Variants in KLF7 observed in about 807,000 individuals in gnomAD.
The protein encoded by KLF7 is Krueppel-like factor 7.
A neutral mutation model predicts 27.3 loss-of-function variants in KLF7; 2 were observed. The ratio of observed to expected loss-of-function variants is 0.07; its 90% CI spans 0.03 to 0.23. The LOEUF (loss-of-function observed/expected upper bound fraction) is 0.23, where lower values mean the gene tolerates loss of function less well. Among genes scored for constraint, KLF7 ranks in the 10% least tolerant of loss-of-function variants. The pLI, the probability that KLF7 is intolerant of heterozygous loss-of-function variation, is 1.00. For missense variants in KLF7, 221 were observed against 394.1 expected, an observed-to-expected ratio of 0.56 and a Z score of 3.72; for synonymous variants, 165 against 162.4, an observed-to-expected ratio of 1.02 and a Z score of -0.12.
chr2:207,109,608 T>G (rs1426569230), intron 2 of KLF7, among the ~76,000 whole-genome samples: 2 of 152,206 alleles, frequency 1.3e-5, no homozygotes, highest in African/African-American at 4.8e-5. Flanking sequence ...CAAGTGATAT[T>G]ATTATTGCTT....
chr2:207,131,687 T>C (rs761072302), intron 1 of KLF7, among the ~76,000 whole-genome samples: 1 of 152,234 alleles, frequency 6.6e-6, no homozygotes, highest in Non-Finnish European at 1.5e-5. Context: ...TCTCTTTCTC[T>C]TCAAAGAATA....
chr2:207,157,869 G>A (rs1031569159), intron 1 of KLF7, among the ~76,000 whole-genome samples: 6 of 152,154 alleles, frequency 3.9e-5, no homozygotes, highest in Admixed American at 2.6e-4. Flanking sequence ...ATCATGAGAC[G>A]AATAATCACA....
intron 1 of KLF7, among the ~76,000 whole-genome samples, chr2:207,137,662 T>C (rs1574539302): frequency 6.6e-6 from 1 of 152,304 alleles, no homozygotes; most frequent in East Asian, 1.9e-4. Flanking sequence ...ACAGGGTTCC[T>C]ATGAGTGTGA....
upstream of KLF7, chr2:207,167,127 T>C: frequency 7.0e-7 from 1 of 1,435,216 alleles, no homozygotes; most frequent in Non-Finnish European, 9.1e-7. Flanking sequence ...GGCCTTTACG[T>C]GATGAGGCTC....
intron 1 of KLF7, chr2:207,134,109 C>G: frequency 6.5e-7 from 1 of 1,534,566 alleles, no homozygotes; most frequent in Non-Finnish European, 8.7e-7. Flanking sequence ...ATCATCTCCC[C>G]TTCCTCTCCC....
chr2:207,139,786 G>A (rs2077889814), intron 1 of KLF7, among the ~76,000 whole-genome samples: 1 of 152,208 alleles, frequency 6.6e-6, no homozygotes, highest in African/African-American at 2.4e-5. Flanking sequence ...TGGTTGAATT[G>A]TTAAAAGCAA....
chr2:207,086,051 T>C (rs1006149509), intron 3 of KLF7, among the ~76,000 whole-genome samples: 3 of 144,400 alleles, frequency 2.1e-5, no homozygotes, highest in Admixed American at 6.9e-5. Context: ...ATAGGCAAAA[T>C]AAAAGCATAC....
chr2:207,126,809 C>CAA (rs35099385), intron 1 of KLF7, among the ~76,000 whole-genome samples: 3,801 of 128,896 alleles, frequency 0.029, 80 homozygotes, highest in Admixed American at 0.047. Flanking sequence ...CTGTTTCTAC[C>CAA]AAAAAAAAAA....
chr2:207,101,745 G>C lies in KLF7; in HGVS notation c.734-13164C>G, dbSNP rs138074176. ...CTAGTACTTCCAAAGCATGTCCTGT[G>C]GGAAGTGGCTCTAGATGGACTCTGA... On this transcript the variant is annotated intron_variant, in intron 2 of 3. Transcript: ENST00000309446. 4.6e-5 allele frequency among the ~76,000 whole-genome samples: 7 copies of C among 152,260 alleles called. No individual in the cohort carries two copies. In the East Asian group the frequency reaches 1.4e-3, roughly 29 times the overall value.
rs1349136044 is a variant in KLF7, at chr2:207,076,532, AGAG to A, written c.*4678_*4680del. The A allele has an allele frequency of 6.6e-6, 1 of 152,214 alleles. No homozygotes were observed. The highest frequency in any genetic ancestry group is 2.4e-5 in the African/African-American group (1 of 41,444). 9.4% of individuals were successfully genotyped at this position (152,214 alleles called of 1,614,324 possible). On this transcript the variant is annotated 3_prime_UTR_variant, in exon 4 of 4. Coordinates refer to ENST00000309446, the MANE Select transcript of KLF7 (RefSeq NM_003709.4). ...TTTCTGGGATCTATTAGGAACCAAC[AGAG>A]GAGATTTAAGAGTGTTAAAAGCAAG...
At chr2:207,089,509 C>T (rs2076462900) in intron 2 of KLF7, among the ~76,000 whole-genome samples, 1 of 152,210 alleles carries the variant, frequency 6.6e-6, no homozygotes, top group East Asian at 1.9e-4. Context: ...ACCCTTCCAA[C>T]TGTATGGTGG....
intron 2 of KLF7, among the ~76,000 whole-genome samples, chr2:207,099,447 T>C (rs2076705383): frequency 6.6e-6 from 1 of 151,534 alleles, no homozygotes; most frequent in African/African-American, 2.4e-5. Flanking sequence ...TAATTTACTT[T>C]CCTGGATACA....
At chr2:207,129,762 A>G (rs2077574869) in intron 1 of KLF7, among the ~76,000 whole-genome samples, 1 of 152,056 alleles carries the variant, frequency 6.6e-6, no homozygotes, top group South Asian at 2.1e-4. Flanking sequence ...TTATTCAATC[A>G]TTTGTTTGTA....
chr2:207,086,839 C>T (rs2076400178), intron 3 of KLF7, among the ~76,000 whole-genome samples: 1 of 152,350 alleles, frequency 6.6e-6, no homozygotes, highest in South Asian at 2.1e-4. Context: ...CCCTTCAGAG[C>T]TGGGCAACTT....
At chr2:207,102,293 A>G (rs2076786830) in intron 2 of KLF7, among the ~76,000 whole-genome samples, 1 of 152,126 alleles carries the variant, frequency 6.6e-6, no homozygotes, top group Admixed American at 6.5e-5. Flanking sequence ...TCTGTACTGA[A>G]CTCACAGCTA....
At chr2:207,084,952 C>T (rs1559109244) in intron 3 of KLF7, among the ~76,000 whole-genome samples, 3 of 151,870 alleles carry the variant, frequency 2.0e-5, no homozygotes, top group Non-Finnish European at 4.4e-5. Context: ...CACTTGAGGT[C>T]AGGAGTTCAA....
intron 1 of KLF7, among the ~76,000 whole-genome samples, chr2:207,132,615 T>A (rs566471647): frequency 2.0e-5 from 3 of 152,232 alleles, no homozygotes; most frequent in Non-Finnish European, 4.4e-5. Flanking sequence ...CCCAGGCACA[T>A]GATGCAAAGC....
At chr2:207,140,640 A>C (rs2077913840) in intron 1 of KLF7, among the ~76,000 whole-genome samples, 2 of 152,160 alleles carry the variant, frequency 1.3e-5, no homozygotes, top group African/African-American at 4.8e-5. Context: ...AGGATCATCA[A>C]ACTCTGGGAA....
At chr2:207,106,542 G>A (rs769436288) in intron 2 of KLF7, among the ~76,000 whole-genome samples, 13 of 152,214 alleles carry the variant, frequency 8.5e-5, no homozygotes, top group Middle Eastern at 3.4e-3. Flanking sequence ...AGCATTCATC[G>A]TCTGGTATTT....
Sources: allele counts gnomAD v4.1 joint callset (sites outside exome capture counted in the v4.1 genomes callset), GRCh38; gene constraint gnomAD v4.1.1; transcripts MANE v1.5; gene names NCBI Gene and HGNC (gene_info 2026-07-23, HGNC 2026-07-21).